The following ADGRL3 variants were observed in gnomAD, a reference collection of about 807,000 sequenced individuals.
The protein encoded by ADGRL3 is calcium-independent alpha-latrotoxin receptor 3.
ADGRL3 carries 62 observed loss-of-function variants against 153.5 expected under a neutral mutation model. That is an observed-to-expected ratio of 0.40 (90% CI 0.33 to 0.50). The LOEUF is 0.50. Among genes scored for constraint, ADGRL3 ranks in the 20% least tolerant of loss-of-function variants. The pLI, the probability that ADGRL3 is intolerant of heterozygous loss-of-function variation, is 0.47. For missense variants in ADGRL3, 1,641 were observed against 1,859.4 expected, an observed-to-expected ratio of 0.88 and a Z score of 2.16; for synonymous variants, 710 against 672.5, an observed-to-expected ratio of 1.06 and a Z score of -0.86.
At chr4:61,424,484 G>A (rs1435125244) in intron 2 of ADGRL3, among the ~76,000 whole-genome samples, 1 of 152,114 alleles carries the variant, frequency 6.6e-6, no homozygotes, top group Non-Finnish European at 1.5e-5. Flanking sequence ...GATTATCAGG[G>A]CCCAACGTAG....
intron 5 of ADGRL3, among the ~76,000 whole-genome samples, chr4:61,656,164 A>G (rs1319299158): frequency 2.0e-5 from 3 of 152,238 alleles, no homozygotes; most frequent in Non-Finnish European, 4.4e-5. Flanking sequence ...ATCTTTCAGT[A>G]GACAATAACA....
chr4:61,861,286 G>A (rs527908498), intron 9 of ADGRL3, among the ~76,000 whole-genome samples: 4 of 152,160 alleles, frequency 2.6e-5, no homozygotes, highest in Non-Finnish European at 5.9e-5. Context: ...GATAATAATT[G>A]CACAGGGTGT....
chr4:61,366,694 T>C (rs2096404523), intron 1 of ADGRL3, among the ~76,000 whole-genome samples: 1 of 152,322 alleles, frequency 6.6e-6, no homozygotes, highest in South Asian at 2.1e-4. Flanking sequence ...AAATTTGCTT[T>C]TGTATTCCAT....
At chr4:61,225,170 G>A (rs951256375) in intron 1 of ADGRL3, among the ~76,000 whole-genome samples, 3 of 152,052 alleles carry the variant, frequency 2.0e-5, no homozygotes, top group African/African-American at 7.2e-5. Flanking sequence ...TTGTACTCTG[G>A]TACTTTCAGC....
intron 1 of ADGRL3, among the ~76,000 whole-genome samples, chr4:61,372,300 G>A (rs2096542996): frequency 6.6e-6 from 1 of 152,102 alleles, no homozygotes; most frequent in Non-Finnish European, 1.5e-5. Flanking sequence ...GAGGAGCAGA[G>A]GCGCTCTGCT....
intron 4 of ADGRL3, among the ~76,000 whole-genome samples, chr4:61,573,351 C>T (rs2098846853): frequency 6.6e-6 from 1 of 151,924 alleles, no homozygotes; most frequent in African/African-American, 2.4e-5. Context: ...TATCTGCATT[C>T]ATCTTAACCA....
intron 1 of ADGRL3, among the ~76,000 whole-genome samples, chr4:61,223,235 CTT>C (rs901657889): frequency 5.9e-5 from 9 of 152,136 alleles, no homozygotes; most frequent in African/African-American, 2.2e-4. Flanking sequence ...ACAAAATTCT[CTT>C]TGGAGAGATG....
intron 5 of ADGRL3, among the ~76,000 whole-genome samples, chr4:61,642,768 T>C (rs1388630836): frequency 1.3e-5 from 2 of 152,140 alleles, no homozygotes; most frequent in East Asian, 1.9e-4. Context: ...CATGGCGATG[T>C]GGGCTCTTTT....
chr4:61,924,106 C>A (rs1045898391), intron 13 of ADGRL3, among the ~76,000 whole-genome samples: 4 of 152,134 alleles, frequency 2.6e-5, no homozygotes, highest in African/African-American at 9.7e-5. Flanking sequence ...TTTTTGAGGT[C>A]ATTAATGACT....
intron 21 of ADGRL3, among the ~76,000 whole-genome samples, chr4:62,005,843 T>C (rs919760479): frequency 2.1e-4 from 32 of 150,718 alleles, no homozygotes; most frequent in Non-Finnish European, 8.9e-5. Flanking sequence ...TTTGATTTGA[T>C]TTTATCCTTG....
chr4:61,749,245 C>T (rs1486435275), intron 8 of ADGRL3, among the ~76,000 whole-genome samples: 1 of 151,734 alleles, frequency 6.6e-6, no homozygotes, highest in Non-Finnish European at 1.5e-5. Context: ...AATAGGAACA[C>T]TTTTACACTG....
At chr4:61,379,577 G>T (rs1319222796) in intron 1 of ADGRL3, among the ~76,000 whole-genome samples, 4 of 152,010 alleles carry the variant, frequency 2.6e-5, no homozygotes, top group East Asian at 3.9e-4. Flanking sequence ...CTAATTAACT[G>T]ACAACACAAT....
In ADGRL3 at chr4:62,071,117, C is replaced by A; in HGVS notation, c.*209C>A. 4.0e-6 allele frequency: 2 copies of A among 496,468 alleles called. No homozygotes were observed. Among genetic ancestry groups the A allele is most frequent in the Non-Finnish European group, 7.1e-6 (2 of 281,620 alleles). 30.8% of individuals were successfully genotyped at this position (496,468 alleles called of 1,614,324 possible). A position where few individuals can be genotyped will look rare whatever the true frequency, so the allele number is the denominator to read the frequency against. On this transcript the variant is annotated 3_prime_UTR_variant, in exon 27 of 27. Transcript: ENST00000683033. ...TAACTGCTAAAATTCCCCTGTACCC[C>A]ATCCTTTCTTGTCCTTTCCCCTTCA...
chr4:61,575,172 T>A (rs1222684057), intron 4 of ADGRL3, among the ~76,000 whole-genome samples: 1 of 151,980 alleles, frequency 6.6e-6, no homozygotes, highest in East Asian at 1.9e-4. Flanking sequence ...ATTTTAATCA[T>A]CCTTTCTACT....
At chr4:61,836,762 A>C (rs1454824786) in intron 9 of ADGRL3, among the ~76,000 whole-genome samples, 1 of 152,128 alleles carries the variant, frequency 6.6e-6, no homozygotes, top group East Asian at 1.9e-4. Context: ...TTGATTAGGA[A>C]AAAATTGATA....
Position 61,540,951 on chromosome 4 carries a change from GA to G in ADGRL3, c.259+23443del, listed in dbSNP as rs938236397. Among the ~76,000 whole-genome samples the G allele has an allele frequency of 8.0e-3, 1,190 of 148,082 alleles. 13 individuals are homozygous for G. Among genetic ancestry groups the G allele is most frequent in the African/African-American group, 0.025 (1,011 of 40,458 alleles). On this transcript the variant is annotated intron_variant, in intron 4 of 26. Transcript: ENST00000683033. ...TTGATATAGAACATATTCCCCAAAA[GA>G]AAAAAAAAATAGCTGTATATGTTTA...
intron 1 of ADGRL3, among the ~76,000 whole-genome samples, chr4:61,218,676 C>G (rs1743993340): frequency 6.6e-6 from 1 of 151,942 alleles, no homozygotes; most frequent in Non-Finnish European, 1.5e-5. Context: ...AAAGATTAAA[C>G]AGAAAAAATA....
intron 4 of ADGRL3, among the ~76,000 whole-genome samples, chr4:61,529,105 T>G (rs2098596270): frequency 6.6e-6 from 1 of 152,100 alleles, no homozygotes; most frequent in Non-Finnish European, 1.5e-5. Context: ...TATTCAAAAT[T>G]TATGGTCTTT....
chr4:61,226,490 C>T lies in ADGRL3; in HGVS notation c.-240+24725C>T, dbSNP rs576961094. ...CACATGTGTGGTTATTTTAATGTTA[C>T]GTCTGGTAATAGCAGAACTCAGATT... On this transcript the variant is annotated intron_variant, in intron 1 of 26. Coordinates refer to ENST00000683033, the MANE Select transcript of ADGRL3 (RefSeq NM_001387552.1). Among the ~76,000 whole-genome samples the T allele has an allele frequency of 3.7e-4, 57 of 152,178 alleles. No individual in the cohort carries two copies. In the South Asian group the frequency reaches 0.01, roughly 27 times the overall value.
Sources: allele counts gnomAD v4.1 joint callset (sites outside exome capture counted in the v4.1 genomes callset), GRCh38; gene constraint gnomAD v4.1.1; transcripts MANE v1.5; gene names NCBI Gene and HGNC (gene_info 2026-07-23, HGNC 2026-07-21).